Variants in GPI observed in about 807,000 individuals in gnomAD.
The protein encoded by GPI is D-hexose-6-phosphate anomerase.
Under a neutral mutation model 75.8 loss-of-function variants are expected in GPI, and 56 were observed. That is an observed-to-expected ratio of 0.74 (90% CI 0.60 to 0.92). The LOEUF (loss-of-function observed/expected upper bound fraction) is 0.92. GPI is among the 40% of genes least tolerant of loss of function. The pLI is 0.00. For missense variants in GPI, 638 were observed against 741.0 expected (o/e 0.86, Z 1.61); for synonymous variants, 288 against 285.4 (o/e 1.01, Z -0.09).
At chr19:34,385,906 G>A (rs962642664) in intron 9 of GPI, among the ~76,000 whole-genome samples, 1 of 152,186 alleles carries the variant, frequency 6.6e-6, no homozygotes, top group Non-Finnish European at 1.5e-5. Flanking sequence ...CAAAGAGCCA[G>A]AGTCAAACAC....
chr19:34,364,171 A>G (rs999932662), upstream of GPI, among the ~76,000 whole-genome samples: 11 of 150,578 alleles, frequency 7.3e-5, no homozygotes, highest in African/African-American at 2.7e-4. Flanking sequence ...CTCTGCAGAT[A>G]TGCACCACCA....
chr19:34,387,254 G>C (rs2074749764), intron 9 of GPI, among the ~76,000 whole-genome samples: 1 of 152,216 alleles, frequency 6.6e-6, no homozygotes, highest in Admixed American at 6.5e-5. Flanking sequence ...AGGTCTCCCA[G>C]GTGAAACCAT....
At position 34,393,294 on chromosome 19, in the gene GPI, T is replaced by C. The variant is rs368458579; in HGVS notation, c.851T>C (p.Ile284Thr). Residue 284 changes from isoleucine (I) to threonine (T), a missense_variant, in exon 10 of 18, where the codon ATT becomes ACT. Physicochemically the swap from Ile to Thr is moderately conservative, Grantham distance 89 (BLOSUM62 -1). Coordinates refer to ENST00000356487, the MANE Select transcript of GPI (RefSeq NM_000175.5). This position sits in a 1 kb window ranked among gnomAD's most constrained non-coding sequence, Gnocchi z 4.4. Reference protein sequence around the residue: ...YSLWSAIGLSIALHVGFDNFE... With the variant: ...YSLWSAIGLSTALHVGFDNFE... ...CTGTGGTCGGCCATCGGACTCTCCA[T>C]TGCCCTGCACGTGGGTGAGTGTGTT... is the stretch of plus-strand genomic sequence containing the variant. 5.6e-6 allele frequency: 9 copies of C among 1,612,580 alleles called. No homozygotes were observed. The African/African-American group carries it at 1.2e-4, about 22-fold the overall frequency.
upstream of GPI, among the ~76,000 whole-genome samples, chr19:34,363,102 T>G (rs957619911): frequency 6.6e-6 from 1 of 151,924 alleles, no homozygotes; most frequent in African/African-American, 2.4e-5. Context: ...CTGAGCAACA[T>G]GATGAAACCT....
intron 17 of GPI, 43 bp from the exon 18 acceptor site, chr19:34,399,858 G>A: frequency 6.2e-7 from 1 of 1,613,788 alleles, no homozygotes; most frequent in Non-Finnish European, 8.5e-7. Flanking sequence ...CAACGTTAGA[G>A]CCTTCCTCAT....
chr19:34,391,753 T>C (rs1366168381), intron 9 of GPI, among the ~76,000 whole-genome samples: 1 of 254 alleles, frequency 3.9e-3, no homozygotes, highest in Non-Finnish European at 8.5e-3. Context: ...AGGTGGCATT[T>C]GGCACAGGTA....
intron 1 of GPI, chr19:34,365,726 T>A: frequency 2.0e-6 from 1 of 511,154 alleles, no homozygotes; most frequent in Admixed American, 2.3e-5. Context: ...AGGCCTTGGC[T>A]GACGCAGCAA....
rs750264073 is a variant in GPI, at chr19:34,378,999, C to A, written c.699C>A (p.Ala233=). Residue 233 remains alanine, a synonymous_variant, in exon 7 of 18, where the codon GCC becomes GCA. Transcript: ENST00000356487. Reference sequence around the variant, plus strand: ...CGAAGGAGTGGTTTCTCCAGGCGGCCAAGGATGTGAGTGGGCTATAGGGCC... The same window carrying A: ...CGAAGGAGTGGTTTCTCCAGGCGGCAAAGGATGTGAGTGGGCTATAGGGCC... ...ETAKEWFLQA[A]KDPSAVAKHF... The A allele has an allele frequency of 6.2e-7, 1 of 1,613,902 alleles. No homozygotes were observed. Among genetic ancestry groups the A allele is most frequent in the South Asian group, 1.1e-5 (1 of 91,082 alleles).
chr19:34,379,957 A>C, intron 8 of GPI: 1 of 253,172 alleles, frequency 3.9e-6, no homozygotes. Context: ...AAGGGAGGTG[A>C]CATTTTGCCC....
In GPI at chr19:34,393,213, G is replaced by A. The variant is rs757864372; in HGVS notation, c.805-35G>A. On this transcript the variant is annotated intron_variant, in intron 9 of 17. Transcript: ENST00000356487. This position sits in a 1 kb window ranked among gnomAD's most constrained non-coding sequence, Gnocchi z 4.4. ...CAGGAGGTGGGGGGCGGGGTGTGCC[G>A]GCCCTCCCTCAGCACCTTGTCCTGT... is the stretch of plus-strand genomic sequence containing the variant. The A allele has an allele frequency of 3.9e-6, 6 of 1,546,254 alleles. No homozygotes were observed. The highest frequency in any genetic ancestry group is 2.2e-5 in the East Asian group (1 of 44,548).
At position 34,399,720 on chromosome 19, in the gene GPI, C is replaced by A; in HGVS notation, c.1476C>A (p.Ala492=). 1 of 1,614,092 alleles carries A rather than the reference C, an allele frequency of 6.2e-7. No individual in the cohort carries two copies. The highest frequency in any genetic ancestry group is 8.5e-7 in the Non-Finnish European group (1 of 1,180,014). Residue 492 remains alanine (A), a splice_region_variant and synonymous_variant, in exon 17 of 18, where the codon GCC becomes GCA. Coordinates refer to ENST00000356487, the MANE Select transcript of GPI (RefSeq NM_000175.5). The part of the protein sequence containing the change: ...LTPFMLGALV[A]MYEHKIFVQG... ...GTGCCCTGTCTGTCACTTCTGCAGCCATGTATGAGCACAAGATCTTCGTTC... is the reference window on the plus strand; with the variant it reads ...GTGCCCTGTCTGTCACTTCTGCAGCAATGTATGAGCACAAGATCTTCGTTC...
intron 1 of GPI, 51 bp from the exon 2 acceptor site, chr19:34,366,294 C>G (rs768446291): frequency 1.7e-6 from 2 of 1,206,504 alleles, no homozygotes; most frequent in African/African-American, 1.5e-5. Flanking sequence ...GGGCATGGCT[C>G]CCCGCTAGGG....
At chr19:34,395,088 G>T (rs1429732283) in intron 12 of GPI, among the ~76,000 whole-genome samples, 1 of 152,152 alleles carries the variant, frequency 6.6e-6, no homozygotes, top group African/African-American at 2.4e-5. Flanking sequence ...AGGTACAGAA[G>T]GCTTCACCAA....
chr19:34,385,746 C>T (rs1250688884), intron 9 of GPI, among the ~76,000 whole-genome samples: 1 of 151,100 alleles, frequency 6.6e-6, no homozygotes, highest in Non-Finnish European at 1.5e-5. Flanking sequence ...CTCAGGAACC[C>T]TCATCACATG....
At chr19:34,365,176 G>GCCGCGCGC, upstream of GPI, 6 of 1,274,978 alleles carry the variant, frequency 4.7e-6, no homozygotes, top group Non-Finnish European at 5.9e-6. Flanking sequence ...CATAAAGGCC[G>GCCGCGCGC]CCGCGCGCCC....
chr19:34,400,488 G>A lies in GPI; in HGVS notation c.*452G>A. ...AGCAAGGTGCCCTGAGAAGACAATA[G>A]TGGGGTGGGGGCACAATCAGTCAGG... On this transcript the variant is annotated 3_prime_UTR_variant, in exon 18 of 18. Transcript: ENST00000356487. 1 of 521,076 alleles carries A rather than the reference G, an allele frequency of 1.9e-6. No homozygotes were observed. Among genetic ancestry groups the A allele is most frequent in the Non-Finnish European group, 3.3e-6 (1 of 298,822 alleles). 32.3% of individuals were successfully genotyped at this position (521,076 alleles called of 1,614,324 possible).
chr19:34,388,215 G>A (rs534099166), intron 9 of GPI, among the ~76,000 whole-genome samples: 14 of 152,326 alleles, frequency 9.2e-5, no homozygotes, highest in African/African-American at 2.6e-4. Flanking sequence ...AGTGGCTCAC[G>A]CCTGTCATCC....
chr19:34,399,650 G>A lies in GPI; in HGVS notation c.1474+19G>A. 6.2e-7 allele frequency: 1 copy of A among 1,613,962 alleles called. No homozygotes were observed. On this transcript the variant is annotated intron_variant, in intron 16 of 17. Coordinates refer to ENST00000356487, the MANE Select transcript of GPI (RefSeq NM_000175.5). The stretch of plus-strand genomic sequence containing the variant: ...TTGGTCGGTGAGTGAGTAGGGGAAA[G>A]GTCCTGGCTTGGGGTAGGTTGGAAT...
upstream of GPI, among the ~76,000 whole-genome samples, chr19:34,361,504 T>C (rs1030132661): frequency 6.6e-6 from 1 of 152,220 alleles, no homozygotes; most frequent in African/African-American, 2.4e-5. Flanking sequence ...GTGCACGTAG[T>C]AAACCTGGCT....
Sources: allele counts gnomAD v4.1 joint callset (sites outside exome capture counted in the v4.1 genomes callset), GRCh38; gene constraint gnomAD v4.1.1; non-coding constraint Gnocchi (gnomAD v3.1); transcripts MANE v1.5; gene names NCBI Gene and HGNC (gene_info 2026-07-23, HGNC 2026-07-21).